The following NLGN1 variants were observed in gnomAD, a reference collection of about 807,000 sequenced individuals.
NLGN1 encodes neuroligin-1.
A neutral mutation model predicts 65.5 loss-of-function variants in NLGN1; 12 were observed. That is an observed-to-expected ratio of 0.18 (90% CI 0.12 to 0.30). The LOEUF is 0.30. NLGN1 is among the 10% of genes least tolerant of loss of function. The pLI is 1.00. For missense variants in NLGN1, 750 were observed against 1,007.1 expected (o/e 0.74, Z 3.46); for synonymous variants, 350 against 359.5 (o/e 0.97, Z 0.30).
At chr3:174,027,127 A>G (rs1277537626) in intron 4 of NLGN1, among the ~76,000 whole-genome samples, 1 of 151,998 alleles carries the variant, frequency 6.6e-6, no homozygotes, top group East Asian at 1.9e-4. Flanking sequence ...ATCCATCTTC[A>G]CCAAGCCTTT....
intron 3 of NLGN1, among the ~76,000 whole-genome samples, chr3:173,791,041 A>G (rs956566000): frequency 4.6e-5 from 7 of 152,212 alleles, no homozygotes; most frequent in Non-Finnish European, 1.0e-4. Flanking sequence ...AATATCTTTG[A>G]GAATAATTCA....
At position 173,592,072 on chromosome 3, in the gene NLGN1, T is replaced by A. The variant is rs990797404; in HGVS notation, c.-320-12207T>A. 5.3e-5 allele frequency among the ~76,000 whole-genome samples: 8 copies of A among 152,202 alleles called. No individual in the cohort carries two copies. In the South Asian group the frequency reaches 1.2e-3, roughly 24 times the overall value. On this transcript the variant is annotated intron_variant, in intron 2 of 6. Coordinates refer to ENST00000457714, the Ensembl canonical transcript of NLGN1. ...ACATATACATTAAAACTGTTGCCCA[T>A]GACTTTTGAATAACATTCTGCCTCA...
intron 2 of NLGN1, among the ~76,000 whole-genome samples, chr3:173,480,225 C>T (rs1352393405): frequency 6.6e-6 from 1 of 151,420 alleles, no homozygotes; most frequent in Admixed American, 6.6e-5. Context: ...TAGCCACAAA[C>T]AAGGTATTGC....
At chr3:173,583,668 C>T (rs1454341521) in intron 2 of NLGN1, among the ~76,000 whole-genome samples, 1 of 152,162 alleles carries the variant, frequency 6.6e-6, no homozygotes, top group Non-Finnish European at 1.5e-5. Context: ...TCCTGAAATT[C>T]CTTGCATTGA....
intron 2 of NLGN1, among the ~76,000 whole-genome samples, chr3:173,586,070 T>G (rs1413654137): frequency 1.3e-5 from 2 of 152,206 alleles, no homozygotes; most frequent in African/African-American, 4.8e-5. Context: ...ATTTGAGGGA[T>G]GTATATAAAT....
chr3:174,221,191 C>G (rs894025432), intron 4 of NLGN1, among the ~76,000 whole-genome samples: 2 of 151,870 alleles, frequency 1.3e-5, no homozygotes, highest in Non-Finnish European at 2.9e-5. Flanking sequence ...CCATATAATA[C>G]TTTTTATGGC....
At chr3:173,778,779 T>G (rs1382071039) in intron 3 of NLGN1, among the ~76,000 whole-genome samples, 1 of 151,884 alleles carries the variant, frequency 6.6e-6, no homozygotes, top group East Asian at 1.9e-4. Flanking sequence ...GTAAATTAAA[T>G]CATTTCATCT....
chr3:174,126,392 A>G lies in NLGN1; in HGVS notation c.647-148923A>G, dbSNP rs1718953535. 2.6e-5 allele frequency among the ~76,000 whole-genome samples: 4 copies of G among 152,132 alleles called. No individual in the cohort carries two copies. The South Asian group carries it at 8.3e-4, about 32-fold the overall frequency. On this transcript the variant is annotated intron_variant, in intron 4 of 6. Coordinates refer to ENST00000457714, the Ensembl canonical transcript of NLGN1. The stretch of plus-strand genomic sequence containing the variant: ...CCTGGGTCATAGTTTAAAAATTATA[A>G]TGTCCATGAAGTGTCTAGAGGAGTG...
At chr3:173,626,306 T>A (rs1248009228) in intron 3 of NLGN1, among the ~76,000 whole-genome samples, 1 of 152,074 alleles carries the variant, frequency 6.6e-6, no homozygotes, top group East Asian at 1.9e-4. Context: ...AAAAATCATC[T>A]TGGATTTTCA....
At chr3:173,547,045 T>C (rs1739979638) in intron 2 of NLGN1, among the ~76,000 whole-genome samples, 1 of 152,336 alleles carries the variant, frequency 6.6e-6, no homozygotes, top group East Asian at 1.9e-4. Flanking sequence ...CATGTTTCTA[T>C]AAGTAAGATG....
chr3:173,849,963 C>T (rs1037941201), intron 4 of NLGN1, among the ~76,000 whole-genome samples: 2 of 152,000 alleles, frequency 1.3e-5, no homozygotes, highest in African/African-American at 4.8e-5. Flanking sequence ...GTAATGTTTT[C>T]TCTGTATTGT....
chr3:174,094,527 T>C (rs1013851976), intron 4 of NLGN1, among the ~76,000 whole-genome samples: 1 of 151,946 alleles, frequency 6.6e-6, no homozygotes, highest in African/African-American at 2.4e-5. Flanking sequence ...CCTTGTCTCC[T>C]AACTTAGCAC....
chr3:173,885,739 G>C (rs1039377638), intron 4 of NLGN1, among the ~76,000 whole-genome samples: 3 of 151,886 alleles, frequency 2.0e-5, no homozygotes, highest in African/African-American at 7.3e-5. Context: ...AGGAAGCAGA[G>C]AAAACACAAA....
chr3:174,255,722 G>T (rs1308065358), intron 4 of NLGN1, among the ~76,000 whole-genome samples: 3 of 149,724 alleles, frequency 2.0e-5, no homozygotes, highest in African/African-American at 7.4e-5. Context: ...GCAATAGTGT[G>T]ATCTCGGCTT....
chr3:173,466,205 A>G (rs1724321886), intron 2 of NLGN1, among the ~76,000 whole-genome samples: 1 of 152,150 alleles, frequency 6.6e-6, no homozygotes, highest in South Asian at 2.1e-4. Flanking sequence ...ATAGCAGTCA[A>G]CAATCAAAAC....
intron 4 of NLGN1, among the ~76,000 whole-genome samples, chr3:174,215,763 A>G (rs971091634): frequency 3.9e-5 from 6 of 152,186 alleles, no homozygotes; most frequent in Non-Finnish European, 7.4e-5. Flanking sequence ...GAAATCTAAC[A>G]GAAGGGCAGT....
chr3:174,166,929 T>C (rs144494227), intron 4 of NLGN1, among the ~76,000 whole-genome samples: 1 of 152,136 alleles, frequency 6.6e-6, no homozygotes, highest in Non-Finnish European at 1.5e-5. Context: ...TTTGTTAATA[T>C]GTAATGCCCT....
At chr3:173,443,294 T>TA (rs1485729349) in intron 2 of NLGN1, among the ~76,000 whole-genome samples, 2 of 131,794 alleles carry the variant, frequency 1.5e-5, no homozygotes, top group East Asian at 2.2e-4. Context: ...ATTTTTACTT[T>TA]AATAGTATAT....
chr3:173,591,209 T>C (rs1748423628), intron 2 of NLGN1, among the ~76,000 whole-genome samples: 1 of 152,200 alleles, frequency 6.6e-6, no homozygotes, highest in Admixed American at 6.5e-5. Flanking sequence ...TATTCTATTC[T>C]ATTCATTAAT....
Sources: allele counts gnomAD v4.1 joint callset (sites outside exome capture counted in the v4.1 genomes callset), GRCh38; gene constraint gnomAD v4.1.1; transcripts MANE v1.5; gene names NCBI Gene and HGNC (gene_info 2026-07-23, HGNC 2026-07-21).